The following ABCB11 variants were observed in gnomAD, a reference collection of about 807,000 sequenced individuals.
ABCB11 encodes ATP binding cassette subfamily B member 11.
ABCB11 carries 95 observed loss-of-function variants against 148.0 expected under a neutral mutation model. The ratio of observed to expected loss-of-function variants is 0.64; its 90% CI spans 0.54 to 0.76. The LOEUF is 0.76. Among genes scored for constraint, ABCB11 ranks in the 30% least tolerant of loss-of-function variants. ABCB11 has a pLI of 0.00. For missense variants in ABCB11, 1,523 were observed against 1,617.8 expected, an observed-to-expected ratio of 0.94 and a Z score of 1.01; for synonymous variants, 591 against 555.4, an observed-to-expected ratio of 1.06 and a Z score of -0.90.
rs144216755 is a variant in ABCB11 at position 168,929,508 on chromosome 2, C to T, written c.3411+1157G>A. 8.5e-5 allele frequency among the ~76,000 whole-genome samples: 13 copies of T among 152,224 alleles called. No homozygotes were observed. The South Asian group carries it at 1.7e-3, about 19-fold the overall frequency. On this transcript the variant is annotated intron_variant, in intron 25 of 27. Coordinates refer to ENST00000650372, the MANE Select transcript of ABCB11 (RefSeq NM_003742.4). The stretch of plus-strand genomic sequence containing the variant: ...AATATTTACATAATCATTAAAAAAG[C>T]TGTCAATTGATTTTCAACTTTTAGA...
At chr2:168,971,598 T>C (rs575071067) in intron 14 of ABCB11, among the ~76,000 whole-genome samples, 1 of 152,212 alleles carries the variant, frequency 6.6e-6, no homozygotes, top group African/African-American at 2.4e-5. Flanking sequence ...GTTTGGTAGA[T>C]GTTTAATATA....
chr2:168,967,259 A>G (rs1693359305), intron 17 of ABCB11, among the ~76,000 whole-genome samples: 1 of 151,874 alleles, frequency 6.6e-6, no homozygotes, highest in African/African-American at 2.4e-5. Context: ...TGACAGAGTA[A>G]TGTGAAGCTA....
At chr2:168,974,913 A>G (rs1310480875) in intron 12 of ABCB11, among the ~76,000 whole-genome samples, 9 of 149,916 alleles carry the variant, frequency 6.0e-5, no homozygotes, top group African/African-American at 2.2e-4. Context: ...TTATGTAATC[A>G]GAATATATAT....
At chr2:168,940,949 A>G (rs375360475) in intron 21 of ABCB11, among the ~76,000 whole-genome samples, 2 of 152,210 alleles carry the variant, frequency 1.3e-5, no homozygotes, top group African/African-American at 4.8e-5. Flanking sequence ...GAATATTTTA[A>G]GCCACTGTTG....
intron 1 of ABCB11, among the ~76,000 whole-genome samples, chr2:169,018,709 A>G (rs974488144): frequency 7.9e-5 from 12 of 152,182 alleles, no homozygotes; most frequent in Admixed American, 2.0e-4. Flanking sequence ...AGTCTTATTC[A>G]CAGTGGAAAA....
chr2:168,974,589 C>T (rs1400914366), intron 12 of ABCB11, among the ~76,000 whole-genome samples: 2 of 151,838 alleles, frequency 1.3e-5, no homozygotes, highest in Non-Finnish European at 2.9e-5. Flanking sequence ...CTGTAAGCTC[C>T]CAGAGCAAGC....
intron 23 of ABCB11, among the ~76,000 whole-genome samples, chr2:168,933,798 G>A (rs1026747055): frequency 1.3e-5 from 2 of 152,198 alleles, no homozygotes; most frequent in Non-Finnish European, 2.9e-5. Context: ...AGGCTGGAGT[G>A]TAGTGGCATG....
At chr2:168,969,947 C>G in intron 15 of ABCB11, 98 bp downstream of exon 15, 1 of 1,024,756 alleles carries the variant, frequency 9.8e-7, no homozygotes, top group South Asian at 1.3e-5. Flanking sequence ...GTAGTATCAA[C>G]TACTCCCATC....
chr2:168,924,254 G>A (rs111515819), intron 27 of ABCB11, among the ~76,000 whole-genome samples: 5 of 152,216 alleles, frequency 3.3e-5, no homozygotes, highest in African/African-American at 1.2e-4. Context: ...TTGCTCAATT[G>A]CATCTTCTTT....
At chr2:168,927,909 A>C (rs1691387202) in intron 25 of ABCB11, among the ~76,000 whole-genome samples, 1 of 152,198 alleles carries the variant, frequency 6.6e-6, no homozygotes, top group Non-Finnish European at 1.5e-5. Flanking sequence ...GCACCATCCT[A>C]AGCCATCTAT....
intron 1 of ABCB11, among the ~76,000 whole-genome samples, chr2:169,021,609 ATAAG>A (rs1277152420): frequency 1.3e-5 from 2 of 152,146 alleles, no homozygotes; most frequent in African/African-American, 2.4e-5. Flanking sequence ...CAAATAAAAA[ATAAG>A]TAATTTTATG....
rs766042995 is a variant in ABCB11, at chr2:168,993,899, T to C, written c.612-17A>G. On this transcript the variant is annotated splice_polypyrimidine_tract_variant and intron_variant, in intron 7 of 27. Transcript: ENST00000650372. Reference sequence around the variant, plus strand: ...TTAATATCACTAGAAACCAGAAAGATTTTGGTCACTAAAACTGAATTTGAT... The same window carrying C: ...TTAATATCACTAGAAACCAGAAAGACTTTGGTCACTAAAACTGAATTTGAT... The C allele has an allele frequency of 4.4e-6, 7 of 1,592,804 alleles. No individual in the cohort carries two copies. The Admixed American group carries it at 5.4e-5, about 12-fold the overall frequency.
chr2:168,999,142 C>G (rs954769815), intron 5 of ABCB11, among the ~76,000 whole-genome samples: 3 of 151,762 alleles, frequency 2.0e-5, no homozygotes, highest in African/African-American at 7.3e-5. Context: ...TTAAGATTCC[C>G]CATTTGTTGA....
chr2:168,929,919 A>C (rs975988122), intron 25 of ABCB11, among the ~76,000 whole-genome samples: 22 of 152,200 alleles, frequency 1.4e-4, no homozygotes, highest in Non-Finnish European at 2.8e-4. Flanking sequence ...ATATTATTTA[A>C]AGACATAAAA....
chr2:168,953,669 C>T (rs1297709876), intron 19 of ABCB11, among the ~76,000 whole-genome samples: 2 of 151,506 alleles, frequency 1.3e-5, no homozygotes, highest in Non-Finnish European at 3.0e-5. Context: ...TAATAGTGGA[C>T]ATTTAATCCA....
chr2:168,960,026 C>G (rs1692997822), intron 18 of ABCB11, among the ~76,000 whole-genome samples: 1 of 148,932 alleles, frequency 6.7e-6, no homozygotes, highest in Non-Finnish European at 1.5e-5. Flanking sequence ...TTGTGTGAGA[C>G]TAACTGAATG....
At chr2:168,920,008 T>C (rs964813876), downstream of ABCB11, among the ~76,000 whole-genome samples, 5 of 152,106 alleles carry the variant, frequency 3.3e-5, no homozygotes, top group Admixed American at 6.5e-5. Flanking sequence ...GAGTGGCTCA[T>C]GCCACCATGC....
In ABCB11 at chr2:168,923,909, A is replaced by G. The variant is rs915996917; in HGVS notation, c.3766-87T>C. ...TGAGAGTTCAGTTAACACGACCTGA[A>G]TAACAATCCTATACTTGACGGCAAA... On this transcript the variant is annotated intron_variant, in intron 27 of 27. Transcript: ENST00000650372. The G allele has an allele frequency of 6.2e-6, 8 of 1,293,790 alleles. No individual in the cohort carries two copies. The African/African-American group carries it at 8.7e-5, about 14-fold the overall frequency. 80.1% of individuals were successfully genotyped at this position (1,293,790 alleles called of 1,614,324 possible). A position where few individuals can be genotyped will look rare whatever the true frequency, so the allele number is the denominator to read the frequency against.
downstream of ABCB11, among the ~76,000 whole-genome samples, chr2:168,918,149 C>T (rs986267102): frequency 8.5e-5 from 13 of 152,202 alleles, no homozygotes; most frequent in South Asian, 4.1e-4. Flanking sequence ...AAAGAATGGG[C>T]GTTTTCCACT....
Sources: gnomAD v4.1 joint callset for allele counts (sites outside exome capture counted in the v4.1 genomes callset) on GRCh38, gnomAD v4.1.1 for gene constraint, MANE v1.5 for transcripts, NCBI Gene and HGNC (gene_info 2026-07-23, HGNC 2026-07-21) for gene names.